The following ADCY2 variants were observed in gnomAD, a reference collection of about 807,000 sequenced individuals.
The protein encoded by ADCY2 is adenylate cyclase 2.
Under a neutral mutation model 125.2 loss-of-function variants are expected in ADCY2, and 31 were observed. The ratio of observed to expected loss-of-function variants is 0.25; its 90% CI spans 0.19 to 0.33. The LOEUF is 0.33. Ranked by LOEUF, ADCY2 falls within the 10% of genes least tolerant of loss-of-function variation. The probability of loss-of-function intolerance (pLI) is 1.00; values close to 1 mark genes in which losing one functional copy is unlikely to be tolerated. For missense variants in ADCY2, 904 were observed against 1,418.2 expected (o/e 0.64, Z 5.82); for synonymous variants, 512 against 548.4 (o/e 0.93, Z 0.93).
At position 7,534,483 on chromosome 5, in the gene ADCY2, T is replaced by C. The variant is rs148778175; in HGVS notation, c.570+13584T>C. ...CTGAACCTCAAACTCTAGACCGAGA[T>C]ATTAAACATAAGATGAGGGAGGGAT... On this transcript the variant is annotated intron_variant, in intron 3 of 24. Transcript: ENST00000338316. 1.1e-3 allele frequency among the ~76,000 whole-genome samples: 175 copies of C among 152,350 alleles called. 3 individuals carry two copies. The East Asian group carries it at 0.03, about 26-fold the overall frequency.
chr5:7,636,359 G>T (rs1156379732), intron 4 of ADCY2, among the ~76,000 whole-genome samples: 1 of 152,234 alleles, frequency 6.6e-6, no homozygotes, highest in Non-Finnish European at 1.5e-5. Flanking sequence ...TTTCTAATCG[G>T]TGGGTTTAGA....
chr5:7,766,480 T>A (rs1287218043), intron 16 of ADCY2, among the ~76,000 whole-genome samples: 1 of 152,202 alleles, frequency 6.6e-6, no homozygotes, highest in Non-Finnish European at 1.5e-5. Flanking sequence ...CCAATTCCTT[T>A]AATGTGAATT....
In ADCY2 at chr5:7,487,505, G is replaced by T. The variant is rs149810500; in HGVS notation, c.409-33233G>T. ...CTAGAAGCTTTGTGAAGGCAGAAGCGATCTCTCCTTTGCCACCCAGAGCCT... is the reference window on the plus strand; with the variant it reads ...CTAGAAGCTTTGTGAAGGCAGAAGCTATCTCTCCTTTGCCACCCAGAGCCT... On this transcript the variant is annotated intron_variant, in intron 2 of 24. Coordinates refer to ENST00000338316, the MANE Select transcript of ADCY2 (RefSeq NM_020546.3). Among the ~76,000 whole-genome samples the T allele has an allele frequency of 5.3e-5, 8 of 152,292 alleles. No homozygotes were observed. In the East Asian group the frequency reaches 1.5e-3, roughly 29 times the overall value.
At chr5:7,426,334 A>T (rs1740386929) in intron 2 of ADCY2, among the ~76,000 whole-genome samples, 1 of 152,212 alleles carries the variant, frequency 6.6e-6, no homozygotes, top group South Asian at 2.1e-4. Context: ...ATTTATAAAT[A>T]ATAGAGATTT....
chr5:7,628,243 A>T (rs1175902241), intron 4 of ADCY2, among the ~76,000 whole-genome samples: 1 of 152,180 alleles, frequency 6.6e-6, no homozygotes, highest in Non-Finnish European at 1.5e-5. Flanking sequence ...CCCGACAGAC[A>T]TGTTTAACTT....
At chr5:7,752,010 C>T (rs1011383518) in intron 15 of ADCY2, among the ~76,000 whole-genome samples, 3 of 152,264 alleles carry the variant, frequency 2.0e-5, no homozygotes, top group South Asian at 2.1e-4. Flanking sequence ...GAGACAAGTG[C>T]GATATGGTCA....
intron 2 of ADCY2, among the ~76,000 whole-genome samples, chr5:7,486,725 G>A (rs11949457): frequency 0.074 from 11,254 of 151,768 alleles, 804 homozygotes; most frequent in African/African-American, 0.18. Flanking sequence ...TACAAAAAAA[G>A]AAAAAAATAC....
chr5:7,688,274 G>T (rs1307147489), intron 4 of ADCY2, among the ~76,000 whole-genome samples: 3 of 147,898 alleles, frequency 2.0e-5, no homozygotes, highest in Non-Finnish European at 1.5e-5. Flanking sequence ...TTTTTTTGTT[G>T]TTTTTTTTTT....
chr5:7,560,101 C>A (rs1735661788), intron 3 of ADCY2, among the ~76,000 whole-genome samples: 1 of 152,144 alleles, frequency 6.6e-6, no homozygotes, highest in Non-Finnish European at 1.5e-5. Context: ...CTAACAGAGA[C>A]AGTTATTCAA....
chr5:7,417,655 A>G (rs1740006181), intron 2 of ADCY2, among the ~76,000 whole-genome samples: 1 of 152,230 alleles, frequency 6.6e-6, no homozygotes, highest in Non-Finnish European at 1.5e-5. Context: ...CCCAGGTTGC[A>G]TGTCCTTAGA....
At chr5:7,413,577 C>T (rs1373652215) in intron 1 of ADCY2, among the ~76,000 whole-genome samples, 1 of 151,292 alleles carries the variant, frequency 6.6e-6, no homozygotes, top group Non-Finnish European at 1.5e-5. Flanking sequence ...GGATTACAGG[C>T]GTGAGCCACC....
intron 18 of ADCY2, among the ~76,000 whole-genome samples, chr5:7,780,107 T>C (rs1223279912): frequency 6.6e-6 from 1 of 152,196 alleles, no homozygotes; most frequent in Non-Finnish European, 1.5e-5. Flanking sequence ...AGACCGAGTG[T>C]GTCTTAGCAA....
chr5:7,817,611 G>T (rs953695388), intron 23 of ADCY2, among the ~76,000 whole-genome samples: 2 of 152,106 alleles, frequency 1.3e-5, no homozygotes, highest in Admixed American at 1.3e-4. Context: ...AAGATCACTT[G>T]ATTCCAGGAG....
chr5:7,437,032 C>T (rs981757661), intron 2 of ADCY2, among the ~76,000 whole-genome samples: 1 of 152,172 alleles, frequency 6.6e-6, no homozygotes, highest in Non-Finnish European at 1.5e-5. Flanking sequence ...CAGGATCAGG[C>T]CCAGCTCTGC....
At chr5:7,540,335 T>C (rs1417703184) in intron 3 of ADCY2, among the ~76,000 whole-genome samples, 1 of 152,164 alleles carries the variant, frequency 6.6e-6, no homozygotes, top group Non-Finnish European at 1.5e-5. Flanking sequence ...CTCATCTGTT[T>C]GTTCTTTGAG....
At chr5:7,535,689 A>G (rs559902754) in intron 3 of ADCY2, among the ~76,000 whole-genome samples, 1 of 152,292 alleles carries the variant, frequency 6.6e-6, no homozygotes, top group Admixed American at 6.5e-5. Flanking sequence ...CATTTATAGT[A>G]TTATAGAAGG....
intron 2 of ADCY2, among the ~76,000 whole-genome samples, chr5:7,474,199 C>G (rs1742438655): frequency 6.6e-6 from 1 of 152,216 alleles, no homozygotes; most frequent in Non-Finnish European, 1.5e-5. Context: ...ACTTACTTAA[C>G]TTTACATTCT....
rs151207345 is a variant in ADCY2 at position 7,556,571 on chromosome 5, T to A, written c.570+35672T>A. ...TATATGTTTTGAGTTTAAAATATTT[T>A]CCATTATGGCTTATGCTTTTGAGGG... On this transcript the variant is annotated intron_variant, in intron 3 of 24. Transcript: ENST00000338316. 3.5e-3 allele frequency among the ~76,000 whole-genome samples: 530 copies of A among 152,326 alleles called. 3 individuals are homozygous for A. Among genetic ancestry groups the A allele is most frequent in the African/African-American group, 0.012 (496 of 41,570 alleles).
chr5:7,644,608 A>C (rs1473565702), intron 4 of ADCY2, among the ~76,000 whole-genome samples: 1 of 152,184 alleles, frequency 6.6e-6, no homozygotes, highest in Non-Finnish European at 1.5e-5. Flanking sequence ...CCATAAACTC[A>C]GAATGTTCAA....
Sources: gnomAD v4.1 joint callset for allele counts (sites outside exome capture counted in the v4.1 genomes callset) on GRCh38, gnomAD v4.1.1 for gene constraint, MANE v1.5 for transcripts, NCBI Gene and HGNC (gene_info 2026-07-23, HGNC 2026-07-21) for gene names.